EBF4: variants seen among roughly 807,000 people sequenced by gnomAD.
EBF4 encodes the protein transcription factor COE4.
Under a neutral mutation model 67.1 loss-of-function variants are expected in EBF4, and 34 were observed. That is an observed-to-expected ratio of 0.51 (90% CI 0.39 to 0.67). EBF4 has a LOEUF of 0.67. Among genes scored for constraint, EBF4 ranks in the 30% least tolerant of loss-of-function variants. EBF4 has a pLI of 0.00. For missense variants in EBF4, 837 were observed against 873.3 expected, an observed-to-expected ratio of 0.96 and a Z score of 0.52; for synonymous variants, 387 against 377.7, an observed-to-expected ratio of 1.02 and a Z score of -0.29.
intron 6 of EBF4, among the ~76,000 whole-genome samples, chr20:2,733,912 C>T (rs1285863372): frequency 9.9e-5 from 15 of 151,496 alleles, no homozygotes; most frequent in Non-Finnish European, 1.3e-4. Flanking sequence ...CCCCGTGGGT[C>T]GCAGGTTAGA....
intron 6 of EBF4, among the ~76,000 whole-genome samples, chr20:2,744,733 C>A (rs757257791): frequency 2.6e-5 from 4 of 151,874 alleles, no homozygotes; most frequent in African/African-American, 4.8e-5. Context: ...CTCAAGCGAT[C>A]CACCCACCTC....
chr20:2,752,489 G>A (rs2088170677), exon 14 of EBF4: 1 of 1,261,580 alleles, frequency 7.9e-7, no homozygotes, highest in African/African-American at 1.5e-5. Flanking sequence ...GCCGGCCTCG[G>A]CGTGCCTGGG....
At chr20:2,733,187 T>C (rs2087836807) in intron 6 of EBF4, among the ~76,000 whole-genome samples, 1 of 152,238 alleles carries the variant, frequency 6.6e-6, no homozygotes, top group African/African-American at 2.4e-5. Context: ...ATGCAATTTT[T>C]TGGTCGATAG....
Position 2,751,715 on chromosome 20 carries a change from C to T in EBF4, c.1034C>T (p.Thr345Ile). 2 of 1,551,040 alleles carry T rather than the reference C, an allele frequency of 1.3e-6. No individual in the cohort carries two copies. The highest frequency in any genetic ancestry group is 1.7e-6 in the Non-Finnish European group (2 of 1,146,876). The change falls in exon 11 of 17, where the codon ACC becomes ATC. Residue 345 changes from threonine to isoleucine, a missense_variant. By Grantham distance (89) the Thr-to-Ile change is moderately conservative. Transcript: ENST00000609451. This position sits in a 1 kb window ranked among gnomAD's most constrained non-coding sequence, Gnocchi z 5.2. ...CCTTCCCCAGCTCTGAACGAGCCCA[C>T]CATTGACTACGGATTCCAGAGGCTA...
chr20:2,754,258 G>C (rs2088202806), intron 14 of EBF4, among the ~76,000 whole-genome samples: 1 of 152,138 alleles, frequency 6.6e-6, no homozygotes, highest in African/African-American at 2.4e-5. Context: ...TTCTCATTGA[G>C]TTTGCGAGAA....
In EBF4 at chr20:2,745,254, G is replaced by C. The variant is rs934328718; in HGVS notation, c.558-3295G>C. Among the ~76,000 whole-genome samples the C allele has an allele frequency of 6.6e-6, 1 of 152,344 alleles. No homozygotes were observed. The highest frequency in any genetic ancestry group is 2.4e-5 in the African/African-American group (1 of 41,582). ...GGGGTGGTGCAGGCTCTCTGACTGG[G>C]AGAAGCCTCGTGGACTACCAGCTGG... On this transcript the variant is annotated intron_variant, in intron 6 of 16. Transcript: ENST00000609451. The surrounding 1 kb of genome is among the most constrained non-coding windows in gnomAD (Gnocchi z 5.2).
chr20:2,746,164 G>A (rs1215541476), intron 6 of EBF4, among the ~76,000 whole-genome samples: 1 of 152,142 alleles, frequency 6.6e-6, no homozygotes, highest in East Asian at 1.9e-4. Flanking sequence ...TTTACACCAT[G>A]GGGTGTCATA....
intron 6 of EBF4, among the ~76,000 whole-genome samples, chr20:2,711,336 A>G (rs1600211551): frequency 1.3e-5 from 2 of 152,126 alleles, no homozygotes; most frequent in South Asian, 2.1e-4. Context: ...GGTATGCCAT[A>G]ATTTATTTAA....
chr20:2,695,185 C>T (rs566340769), intron 1 of EBF4, among the ~76,000 whole-genome samples: 1 of 151,942 alleles, frequency 6.6e-6, no homozygotes, highest in African/African-American at 2.4e-5. Flanking sequence ...GGCCCCACCA[C>T]CTGCTGTGTG....
At chr20:2,741,402 G>A (rs1006525846) in intron 6 of EBF4, among the ~76,000 whole-genome samples, 6 of 152,142 alleles carry the variant, frequency 3.9e-5, no homozygotes, top group Non-Finnish European at 8.8e-5. Flanking sequence ...CTTCACACTT[G>A]CCTTCTCTAC....
At chr20:2,708,592 C>T (rs1411566591) in intron 5 of EBF4, among the ~76,000 whole-genome samples, 2 of 152,134 alleles carry the variant, frequency 1.3e-5, no homozygotes, top group Non-Finnish European at 2.9e-5. Flanking sequence ...GGTAGCCAGG[C>T]GCCTGTAATC....
At chr20:2,727,734 C>T (rs1005680638) in intron 6 of EBF4, among the ~76,000 whole-genome samples, 1 of 152,196 alleles carries the variant, frequency 6.6e-6, no homozygotes, top group Admixed American at 6.5e-5. Context: ...CAACACTTAT[C>T]ATCTTTTTTA....
rs1038733284 is a variant in EBF4, at chr20:2,756,420, G to A, written c.1738+596G>A. ...CAGCAGAGCCTTTCCTATCCACGTG[G>A]TGATTGGAAACTCACTGGGAGGACA... On this transcript the variant is annotated intron_variant, in intron 15 of 16. Coordinates refer to ENST00000609451, the Ensembl canonical transcript of EBF4. This position sits in a 1 kb window ranked among gnomAD's most constrained non-coding sequence, Gnocchi z 4.5. Among the ~76,000 whole-genome samples the A allele has an allele frequency of 1.3e-5, 2 of 152,206 alleles. No individual in the cohort carries two copies. The highest frequency in any genetic ancestry group is 4.8e-5 in the African/African-American group (2 of 41,450).
chr20:2,705,347 C>T (rs1366797902), intron 1 of EBF4, among the ~76,000 whole-genome samples: 2 of 152,206 alleles, frequency 1.3e-5, no homozygotes, highest in African/African-American at 4.8e-5. Flanking sequence ...ACCACTCTGC[C>T]TCTTGTTTTC....
chr20:2,740,877 A>G (rs1321497192), intron 6 of EBF4, among the ~76,000 whole-genome samples: 2 of 151,928 alleles, frequency 1.3e-5, no homozygotes, highest in African/African-American at 4.8e-5. Flanking sequence ...ACTGGTGGGG[A>G]GTATATGCTC....
Position 2,755,639 on chromosome 20 carries a change from GC to G in EBF4, c.1559del (p.Pro520ArgfsTer27). 2.5e-6 allele frequency: 3 copies of G among 1,181,270 alleles called. No individual in the cohort carries two copies. The highest frequency in any genetic ancestry group is 3.4e-6 in the Non-Finnish European group (3 of 884,454). 73.2% of individuals were successfully genotyped at this position (1,181,270 alleles called of 1,614,324 possible). A position where few individuals can be genotyped will look rare whatever the true frequency, so the allele number is the denominator to read the frequency against. On this transcript the variant is annotated frameshift_variant, in exon 15 of 17. Coordinates refer to ENST00000609451, the Ensembl canonical transcript of EBF4. LOFTEE classifies it high-confidence loss of function. The surrounding 1 kb of genome is among the most constrained non-coding windows in gnomAD (Gnocchi z 4.7). ...CCCCGCCCCGGAGTCATGCCCTCTA[GC>G]CCCCCGCTGGCGGCTGCCTCCTCCA...
chr20:2,705,909 G>T (rs1600205107), intron 2 of EBF4, 65 bp from the exon 3 acceptor site: 1 of 1,522,938 alleles, frequency 6.6e-7, no homozygotes, highest in Non-Finnish European at 8.9e-7. Flanking sequence ...GTTAGGAGAA[G>T]GGGTGGACAA....
intron 6 of EBF4, among the ~76,000 whole-genome samples, chr20:2,725,024 T>C (rs944557359): frequency 6.6e-6 from 1 of 152,248 alleles, no homozygotes; most frequent in Non-Finnish European, 1.5e-5. Context: ...CACTCTGGTA[T>C]GTCTAGGTGT....
rs1042096436 is a variant in EBF4 at position 2,737,120 on chromosome 20, G to T, written c.558-11429G>T. 2.6e-3 allele frequency among the ~76,000 whole-genome samples: 360 copies of T among 139,514 alleles called. 1 individual carries two copies. The highest frequency in any genetic ancestry group is 8.4e-3 in the African/African-American group (340 of 40,618). The allele number at this position is 139,514 out of a possible 152,430, so 91.5% of individuals were successfully genotyped here. On this transcript the variant is annotated intron_variant, in intron 6 of 16. Transcript: ENST00000609451. ...AAAAAATTAGCCGGGCGTGGTGGCG[G>T]GCGCCTGTAGTCCCAGCTACTCGGG... is the stretch of plus-strand genomic sequence containing the variant.
Sources: allele counts gnomAD v4.1 joint callset (sites outside exome capture counted in the v4.1 genomes callset), GRCh38; gene constraint gnomAD v4.1.1; non-coding constraint Gnocchi (gnomAD v3.1); transcripts MANE v1.5; gene names NCBI Gene and HGNC (gene_info 2026-07-23, HGNC 2026-07-21).